Variants in MERTK observed in about 807,000 individuals in gnomAD.
MERTK encodes the protein tyrosine-protein kinase Mer.
In MERTK, 69 loss-of-function variants were observed where a neutral mutation model predicts 99.3. That is an observed-to-expected ratio of 0.70 (90% CI 0.57 to 0.85). The LOEUF (loss-of-function observed/expected upper bound fraction) is 0.85. MERTK is among the 40% of genes least tolerant of loss of function. The pLI is 0.00. For synonymous variants in MERTK, 426 were observed against 467.6 expected, an observed-to-expected ratio of 0.91 and a Z score of 1.15; for missense variants, 1,125 against 1,249.4, an observed-to-expected ratio of 0.90 and a Z score of 1.50.
intron 15 of MERTK, among the ~76,000 whole-genome samples, chr2:112,017,312 T>C (rs1316484615): frequency 1.3e-5 from 2 of 151,982 alleles, no homozygotes; most frequent in Admixed American, 1.3e-4. Flanking sequence ...TTACAATCCT[T>C]TAGCTAGACA....
intron 9 of MERTK, chr2:111,995,256 G>A (rs1676711441): frequency 6.4e-6 from 1 of 155,948 alleles, no homozygotes; most frequent in Non-Finnish European, 1.4e-5. Context: ...GCATGTTGCT[G>A]GAATGTCCTT....
At chr2:112,028,314 C>T (rs10180086) in intron 18 of MERTK, 37 bp from the exon 19 acceptor site, 66,954 of 1,599,584 alleles carry the variant, frequency 0.042, 2,328 homozygotes, top group African/African-American at 0.18. Context: ...AGATGGGTGC[C>T]ATGCTGGGAG....
At chr2:111,943,979 C>T (rs1420667756) in intron 2 of MERTK, among the ~76,000 whole-genome samples, 1 of 152,016 alleles carries the variant, frequency 6.6e-6, no homozygotes, top group African/African-American at 2.4e-5. Context: ...ATGCAGAGAA[C>T]CACTGGTGCA....
At chr2:111,916,508 T>G (rs371288859) in intron 1 of MERTK, among the ~76,000 whole-genome samples, 4 of 152,308 alleles carry the variant, frequency 2.6e-5, no homozygotes, top group African/African-American at 9.6e-5. Flanking sequence ...ATTGAGTTTT[T>G]AAATTTTTGG....
At chr2:112,004,844 T>A (rs1261072529) in intron 13 of MERTK, among the ~76,000 whole-genome samples, 1 of 150,424 alleles carries the variant, frequency 6.6e-6, no homozygotes, top group Non-Finnish European at 1.5e-5. Flanking sequence ...GGAAGTTGCA[T>A]TGAGCCGAGA....
At chr2:112,028,055 A>T (rs189404580) in intron 18 of MERTK, 30 of 437,002 alleles carry the variant, frequency 6.9e-5, no homozygotes, top group South Asian at 6.8e-4. Context: ...CATGGGCCAT[A>T]GTTTGCCCGC....
rs557965035 is a variant in MERTK, at chr2:111,990,232, T to A, written c.1297-4019T>A. ...TACATCCATTTTAAAAAAACATGAA[T>A]CATTTTAAAACTATATTTAAGTTTA... On this transcript the variant is annotated intron_variant, in intron 8 of 18. Transcript: ENST00000295408. Among the ~76,000 whole-genome samples the A allele has an allele frequency of 5.4e-4, 82 of 152,324 alleles. 2 individuals are homozygous for A. Among genetic ancestry groups the A allele is most frequent in the African/African-American group, 1.9e-3 (79 of 41,566 alleles).
intron 4 of MERTK, among the ~76,000 whole-genome samples, chr2:111,949,741 A>G (rs1182759223): frequency 1.3e-5 from 2 of 152,302 alleles, no homozygotes; most frequent in East Asian, 3.9e-4. Flanking sequence ...GATCCCTTCC[A>G]GTGGGTCACC....
intron 7 of MERTK, among the ~76,000 whole-genome samples, chr2:111,978,118 G>GT (rs56125890): frequency 2.1e-4 from 30 of 143,600 alleles, no homozygotes; most frequent in African/African-American, 3.6e-4. Flanking sequence ...CTAATTTTTG[G>GT]TTTTTTTTTT....
intron 16 of MERTK, among the ~76,000 whole-genome samples, chr2:112,020,061 C>G (rs1251394087): frequency 6.6e-6 from 1 of 152,212 alleles, no homozygotes; most frequent in Non-Finnish European, 1.5e-5. Context: ...TCTTCAAAAA[C>G]AATAACTATG....
At chr2:111,965,127 A>G in intron 4 of MERTK, 64 bp from the exon 5 acceptor site, 1 of 1,399,808 alleles carries the variant, frequency 7.1e-7, no homozygotes. Context: ...AGACAACCAT[A>G]GAATTGTAGT....
rs1279786385 is a variant in MERTK, at chr2:112,028,427, G to A, written c.2563G>A (p.Glu855Lys). ...CTTTTCAGTATTGAGGCTGCAGCTA[G>A]AAAAACTCTTAGAAAGTTTGCCTGA... is the stretch of plus-strand genomic sequence containing the variant. Reference protein sequence around the residue: ...PTFSVLRLQLEKLLESLPDVR... With the variant: ...PTFSVLRLQLKKLLESLPDVR... The change falls in exon 19 of 19, where the codon GAA (glutamate) becomes AAA (lysine). Residue 855 changes from glutamate (E) to lysine (K), a missense_variant. Glu to Lys is a moderately conservative substitution (Grantham distance 56, BLOSUM62 1). Coordinates refer to ENST00000295408, the MANE Select transcript of MERTK (RefSeq NM_006343.3). 6.2e-7 allele frequency: 1 copy of A among 1,614,040 alleles called. No individual in the cohort carries two copies. The highest frequency in any genetic ancestry group is 2.2e-5 in the East Asian group (1 of 44,900).
chr2:112,012,026 G>A (rs1013732576), intron 15 of MERTK, among the ~76,000 whole-genome samples: 6 of 152,232 alleles, frequency 3.9e-5, no homozygotes, highest in African/African-American at 9.6e-5. Context: ...GGCAGGAAGT[G>A]TGCAAGGTAA....
At chr2:112,019,204 A>T in intron 15 of MERTK, 2 of 680,072 alleles carry the variant, frequency 2.9e-6, no homozygotes, top group Admixed American at 4.2e-5. Context: ...AAAAGAGAAT[A>T]TGATGTTTGC....
chr2:111,932,728 C>A (rs1334083657), intron 2 of MERTK, among the ~76,000 whole-genome samples: 2 of 152,060 alleles, frequency 1.3e-5, no homozygotes, highest in Non-Finnish European at 2.9e-5. Flanking sequence ...TGGTGAGGAG[C>A]ATTATCTTTT....
intron 16 of MERTK, among the ~76,000 whole-genome samples, chr2:112,020,951 T>C (rs746271362): frequency 6.6e-5 from 10 of 151,510 alleles, no homozygotes; most frequent in Non-Finnish European, 1.5e-4. Context: ...CCCAGCACTT[T>C]GGAATGCCAA....
intron 14 of MERTK, 137 bp downstream of exon 14, chr2:112,008,612 C>T (rs780851280): frequency 1.4e-5 from 11 of 778,010 alleles, no homozygotes; most frequent in South Asian, 1.4e-4. Flanking sequence ...GAGGTTTTCA[C>T]CCAGACTTTT....
At chr2:112,012,553 G>A (rs1677128341) in intron 15 of MERTK, among the ~76,000 whole-genome samples, 1 of 152,092 alleles carries the variant, frequency 6.6e-6, no homozygotes, top group Non-Finnish European at 1.5e-5. Flanking sequence ...TCTTTGTCAT[G>A]AGCGTATCCA....
intron 8 of MERTK, 42 bp from the exon 9 acceptor site, chr2:111,994,209 G>T: frequency 6.2e-7 from 1 of 1,611,784 alleles, no homozygotes; most frequent in South Asian, 1.1e-5. Context: ...AGTTTGCCCA[G>T]ACCTCAGTGT....
Sources: allele counts gnomAD v4.1 joint callset (sites outside exome capture counted in the v4.1 genomes callset), GRCh38; gene constraint gnomAD v4.1.1; transcripts MANE v1.5; gene names NCBI Gene and HGNC (gene_info 2026-07-23, HGNC 2026-07-21).